The following TIA1 variants were observed in gnomAD, a reference collection of about 807,000 sequenced individuals.
TIA1 encodes the protein TIA1 cytotoxic granule associated RNA binding protein, also known as cytotoxic granule associated RNA binding protein TIA1.
Under a neutral mutation model 65.9 loss-of-function variants are expected in TIA1, and 23 were observed. That is an observed-to-expected ratio of 0.35 (90% CI 0.25 to 0.49). TIA1 has a LOEUF of 0.49. TIA1 is among the 20% of genes least tolerant of loss of function. TIA1 has a pLI of 0.98. For synonymous variants in TIA1, 147 were observed against 149.4 expected (o/e 0.98, Z 0.12); for missense variants, 371 against 477.9 (o/e 0.78, Z 2.09).
chr2:70,212,623 T>G lies in TIA1; in HGVS notation c.*96A>C. ...TAAATAAATACATTGTATCTGACAT[T>G]TGCACTGACTGATTTGATAAATCTT... On this transcript the variant is annotated 3_prime_UTR_variant, in exon 13 of 13. Transcript: ENST00000433529. 1 of 752,386 alleles carries G rather than the reference T, an allele frequency of 1.3e-6. No homozygotes were observed. The highest frequency in any genetic ancestry group is 2.4e-6 in the Non-Finnish European group (1 of 411,158). 46.6% of individuals were successfully genotyped at this position (752,386 alleles called of 1,614,324 possible). A position where few individuals can be genotyped will look rare whatever the true frequency, so the allele number is the denominator to read the frequency against.
At position 70,215,498 on chromosome 2, in the gene TIA1, T is replaced by C. The variant is rs1204333206; in HGVS notation, c.765-4A>G. On this transcript the variant is annotated splice_polypyrimidine_tract_variant and splice_region_variant and intron_variant, in intron 10 of 12. Coordinates refer to ENST00000433529, the MANE Select transcript of TIA1 (RefSeq NM_022173.4). Reference sequence around the variant, plus strand: ...TGCACTTTCATGGGAATTGAACCTATTGAAAACAATATTAAGAATCACCAA... The same window carrying C: ...TGCACTTTCATGGGAATTGAACCTACTGAAAACAATATTAAGAATCACCAA... The C allele has an allele frequency of 6.2e-7, 1 of 1,605,386 alleles. No individual in the cohort carries two copies. The highest frequency in any genetic ancestry group is 8.5e-7 in the Non-Finnish European group (1 of 1,175,792).
At position 70,214,387 on chromosome 2, in the gene TIA1, A is replaced by C; in HGVS notation, c.996T>G (p.Tyr332Ter). 6.2e-7 allele frequency: 1 copy of C among 1,613,858 alleles called. No individual in the cohort carries two copies. Among genetic ancestry groups the C allele is most frequent in the Non-Finnish European group, 8.5e-7 (1 of 1,179,912 alleles). The change falls in exon 12 of 13, where the codon TAT becomes TAG. Residue 332 changes from tyrosine (Y) to a stop codon, truncating the protein, a stop_gained. Transcript: ENST00000433529. LOFTEE classifies it high-confidence loss of function. ...GGTTCCATGCCTGGCCATACATTCC[A>C]TATGCAGGAACTTGCCAACCATTAG... ...YMPNGWQVPAYGMYGQAWNQQ... is the reference protein window; with the variant it reads ...YMPNGWQVPA
intron 1 of TIA1, among the ~76,000 whole-genome samples, chr2:70,241,819 C>G (rs1478364527): frequency 6.6e-6 from 1 of 151,802 alleles, no homozygotes; most frequent in African/African-American, 2.4e-5. Flanking sequence ...TGGTGTGCAC[C>G]TGTAGTTCCA....
chr2:70,219,137 T>C (rs908070160), intron 7 of TIA1, among the ~76,000 whole-genome samples: 14 of 152,062 alleles, frequency 9.2e-5, no homozygotes, highest in African/African-American at 3.4e-4. Flanking sequence ...AGACTGAAGA[T>C]ACAAAATTCA....
At chr2:70,238,141 A>G (rs1212650638) in intron 1 of TIA1, among the ~76,000 whole-genome samples, 1 of 151,506 alleles carries the variant, frequency 6.6e-6, no homozygotes, top group East Asian at 2.0e-4. Flanking sequence ...AGCTTGGGCA[A>G]CAGAGCGAGA....
chr2:70,230,512 T>C (rs1474304711), intron 3 of TIA1, among the ~76,000 whole-genome samples: 1 of 151,462 alleles, frequency 6.6e-6, no homozygotes, highest in African/African-American at 2.4e-5. Context: ...ATTAGCTGGG[T>C]GTGGTGGTGC....
At position 70,230,018 on chromosome 2, in the gene TIA1, C is replaced by T. The variant is rs190058821; in HGVS notation, c.223-700G>A. Among the ~76,000 whole-genome samples, 34 of 151,258 alleles carry T rather than the reference C, an allele frequency of 2.2e-4. 1 individual carries two copies. The East Asian group carries it at 5.8e-3, about 26-fold the overall frequency. Reference sequence around the variant, plus strand: ...CTTTGGGAGGCCGAGACGGGCAGATCGGATCATGAGGTCAGGCGACTGAGA... The same window carrying T: ...CTTTGGGAGGCCGAGACGGGCAGATTGGATCATGAGGTCAGGCGACTGAGA... On this transcript the variant is annotated intron_variant, in intron 3 of 12. Transcript: ENST00000433529.
intron 7 of TIA1, among the ~76,000 whole-genome samples, chr2:70,217,599 A>T (rs1679229144): frequency 6.6e-6 from 1 of 152,012 alleles, no homozygotes; most frequent in Non-Finnish European, 1.5e-5. Context: ...CGGTTTCGCC[A>T]TGTTAGCCAG....
In TIA1 at chr2:70,245,130, G is replaced by C. The variant is rs369547532; in HGVS notation, c.26+3275C>G. ...GAGTCCCGAGTAGCTGAGGCTACTGGCATGTGTCACCACACCTAGCTAATT... is the reference window on the plus strand; with the variant it reads ...GAGTCCCGAGTAGCTGAGGCTACTGCCATGTGTCACCACACCTAGCTAATT... On this transcript the variant is annotated intron_variant, in intron 1 of 12. Coordinates refer to ENST00000433529, the MANE Select transcript of TIA1 (RefSeq NM_022173.4). Among the ~76,000 whole-genome samples the C allele has an allele frequency of 1.5e-4, 23 of 152,244 alleles. No homozygotes were observed. In the East Asian group the frequency reaches 3.7e-3, roughly 24 times the overall value.
chr2:70,223,293 T>C (rs185406027), intron 7 of TIA1, among the ~76,000 whole-genome samples: 18 of 152,110 alleles, frequency 1.2e-4, no homozygotes, highest in Admixed American at 1.1e-3. Flanking sequence ...AATAGTAAAG[T>C]TTTGAGAACC....
chr2:70,241,641 T>C (rs575731927), intron 1 of TIA1, among the ~76,000 whole-genome samples: 1 of 151,782 alleles, frequency 6.6e-6, no homozygotes, highest in Admixed American at 6.6e-5. Context: ...GGAGAAACAG[T>C]ACCCTTCCAA....
At position 70,216,997 on chromosome 2, in the gene TIA1, G is replaced by A. The variant is rs200499196; in HGVS notation, c.475-3C>T. On this transcript the variant is annotated splice_region_variant and splice_polypyrimidine_tract_variant and intron_variant, in intron 7 of 12. Coordinates refer to ENST00000433529, the MANE Select transcript of TIA1 (RefSeq NM_022173.4). The stretch of plus-strand genomic sequence containing the variant: ...TGTTGAATGGCGTTTTCAGCATCCT[G>A]TTCCGTACAACATTAGAAACAATAA... 1.3e-4 allele frequency: 206 copies of A among 1,609,078 alleles called. 2 individuals are homozygous for A. The highest frequency in any genetic ancestry group is 1.6e-4 in the Non-Finnish European group (193 of 1,178,094).
At chr2:70,238,547 G>C (rs1278834199) in intron 1 of TIA1, among the ~76,000 whole-genome samples, 2 of 151,928 alleles carry the variant, frequency 1.3e-5, no homozygotes, top group East Asian at 3.9e-4. Flanking sequence ...GGTAGACTTT[G>C]GTTATGCAAT....
Position 70,216,397 on chromosome 2 carries a change from C to T in TIA1, c.679+7G>A. The T allele has an allele frequency of 1.2e-6, 2 of 1,607,410 alleles. No homozygotes were observed. Among genetic ancestry groups the T allele is most frequent in the Non-Finnish European group, 1.7e-6 (2 of 1,176,442 alleles). On this transcript the variant is annotated splice_region_variant and intron_variant, in intron 9 of 12. Coordinates refer to ENST00000433529, the MANE Select transcript of TIA1 (RefSeq NM_022173.4). ...AAATTAATGCCACACAGGGAAGGCT[C>T]CCATACCTGTTAGCCCAGAAGTAAC...
At chr2:70,213,870 G>A (rs1238140463) in intron 12 of TIA1, among the ~76,000 whole-genome samples, 1 of 151,742 alleles carries the variant, frequency 6.6e-6, no homozygotes, top group Non-Finnish European at 1.5e-5. Context: ...CAGGCTGGTC[G>A]CAAACTCCTG....
At chr2:70,237,694 T>G in intron 1 of TIA1, among the ~76,000 whole-genome samples, 1 of 150,218 alleles carries the variant, frequency 6.7e-6, no homozygotes, top group Non-Finnish European at 1.5e-5. Context: ...TGAAACCCCT[T>G]CTCTACTAAA....
intron 2 of TIA1, among the ~76,000 whole-genome samples, chr2:70,231,219 T>C (rs1686125589): frequency 6.6e-6 from 1 of 152,090 alleles, no homozygotes; most frequent in Non-Finnish European, 1.5e-5. Flanking sequence ...GGAGAATTGC[T>C]TGAACCCGGG....
chr2:70,232,992 A>G (rs1320898574), intron 2 of TIA1, among the ~76,000 whole-genome samples: 1 of 152,204 alleles, frequency 6.6e-6, no homozygotes, highest in Non-Finnish European at 1.5e-5. Context: ...TTTTACACCT[A>G]CAGTGCAAAA....
chr2:70,227,165 A>C (rs1311786155), intron 6 of TIA1, among the ~76,000 whole-genome samples: 1 of 152,188 alleles, frequency 6.6e-6, no homozygotes. Context: ...TGCTATCTCA[A>C]GTAAGGTATT....
Sources: allele counts gnomAD v4.1 joint callset (sites outside exome capture counted in the v4.1 genomes callset), GRCh38; gene constraint gnomAD v4.1.1; transcripts MANE v1.5; gene names NCBI Gene and HGNC (gene_info 2026-07-23, HGNC 2026-07-21).